The following NIPA2 variants were observed in gnomAD, a reference collection of about 807,000 sequenced individuals.
The protein encoded by NIPA2 is magnesium transporter NIPA2.
Under a neutral mutation model 29.7 loss-of-function variants are expected in NIPA2, and 11 were observed. The ratio of observed to expected loss-of-function variants is 0.37; its 90% CI spans 0.23 to 0.61. The LOEUF (loss-of-function observed/expected upper bound fraction) is 0.61, where lower values mean the gene tolerates loss of function less well. Ranked by LOEUF, NIPA2 falls within the 20% of genes least tolerant of loss-of-function variation. The pLI, the probability that NIPA2 is intolerant of heterozygous loss-of-function variation, is 0.66. For synonymous variants in NIPA2, 183 were observed against 161.9 expected, an observed-to-expected ratio of 1.13 and a Z score of -0.99; for missense variants, 426 against 437.9, an observed-to-expected ratio of 0.97 and a Z score of 0.24.
chr15:22,849,765 G>A (rs893644661), intron 3 of NIPA2, among the ~76,000 whole-genome samples: 5 of 151,796 alleles, frequency 3.3e-5, no homozygotes, highest in Admixed American at 1.3e-4. Flanking sequence ...GGGTTTCACC[G>A]TGTTAGCCAG....
In NIPA2 at chr15:22,868,022, T is replaced by C. The variant is rs1030164462; in HGVS notation, c.*1175T>C. 1.3e-5 allele frequency: 2 copies of C among 152,198 alleles called. No individual in the cohort carries two copies. The highest frequency in any genetic ancestry group is 2.1e-4 in the South Asian group (1 of 4,820). 9.4% of individuals were successfully genotyped at this position (152,198 alleles called of 1,614,324 possible). On this transcript the variant is annotated 3_prime_UTR_variant, in exon 8 of 8. Transcript: ENST00000337451. ...TTCCACCTAGGTGATGGGAAGAAAG[T>C]GTTCGCCTGTTCCAGCCTGTGGCTC...
chr15:22,840,340 C>T (rs1364667373), intron 2 of NIPA2, among the ~76,000 whole-genome samples: 1 of 145,862 alleles, frequency 6.9e-6, no homozygotes, highest in Non-Finnish European at 1.5e-5. Context: ...CTCTGTCACT[C>T]GGGCTGGAGT....
At chr15:22,850,709 C>T (rs2057669638) in intron 3 of NIPA2, among the ~76,000 whole-genome samples, 1 of 152,090 alleles carries the variant, frequency 6.6e-6, no homozygotes, top group African/African-American at 2.4e-5. Flanking sequence ...GCTAGGTGGA[C>T]AGGGAGTTTA....
intron 2 of NIPA2, among the ~76,000 whole-genome samples, chr15:22,840,739 G>A (rs977555982): frequency 1.1e-4 from 17 of 152,252 alleles, no homozygotes; most frequent in African/African-American, 3.9e-4. Flanking sequence ...ATCTTATTGC[G>A]TAGAAGAGAA....
At chr15:22,856,636 C>T (rs1277623022) in intron 5 of NIPA2, among the ~76,000 whole-genome samples, 1 of 152,170 alleles carries the variant, frequency 6.6e-6, no homozygotes, top group Admixed American at 6.5e-5. Flanking sequence ...AGATTTACAT[C>T]TGAAATATAT....
At chr15:22,852,739 G>A (rs888374792) in intron 4 of NIPA2, among the ~76,000 whole-genome samples, 8 of 152,132 alleles carry the variant, frequency 5.3e-5, no homozygotes, top group East Asian at 1.9e-4. Context: ...GGTAGCTCCC[G>A]GTGTTAAGTG....
chr15:22,856,056 C>T (rs2058155020), intron 5 of NIPA2, among the ~76,000 whole-genome samples: 1 of 152,116 alleles, frequency 6.6e-6, no homozygotes, highest in South Asian at 2.1e-4. Context: ...TTGGATTGCT[C>T]ACTTTGAGAG....
rs933640584 is a variant in NIPA2 at position 22,858,637 on chromosome 15, A to G, written c.287+7A>G. ...CTCTCAGCGTGCTAGTAAGGTAAGG[A>G]CACGTTTTTCATGTAGAAACAGTAG... is the stretch of plus-strand genomic sequence containing the variant. On this transcript the variant is annotated splice_region_variant and intron_variant, in intron 6 of 7. Transcript: ENST00000337451. 1 of 1,550,910 alleles carries G rather than the reference A, an allele frequency of 6.4e-7. No individual in the cohort carries two copies. Among genetic ancestry groups the G allele is most frequent in the Non-Finnish European group, 8.8e-7 (1 of 1,140,040 alleles).
Position 22,853,284 on chromosome 15 carries a change from A to G in NIPA2, c.196+16A>G. 4 of 1,561,308 alleles carry G rather than the reference A, an allele frequency of 2.6e-6. No individual in the cohort carries two copies. Among genetic ancestry groups the G allele is most frequent in the Non-Finnish European group, 3.5e-6 (4 of 1,135,416 alleles). ...CTGCTGTCAAGTATGTATAAAGAAC[A>G]TTGCAAGAAAAATATGATAGCTATA... On this transcript the variant is annotated intron_variant, in intron 5 of 7. Coordinates refer to ENST00000337451, the MANE Select transcript of NIPA2 (RefSeq NM_030922.7).
chr15:22,850,298 G>A (rs1017270286), intron 3 of NIPA2, among the ~76,000 whole-genome samples: 1 of 151,970 alleles, frequency 6.6e-6, no homozygotes, highest in African/African-American at 2.4e-5. Flanking sequence ...GGCAGGGTGC[G>A]AAGGGGCAAG....
rs767342561 is a variant in NIPA2 at position 22,866,293 on chromosome 15, A to T, written c.529A>T (p.Asn177Tyr). Residue 177 changes from asparagine to tyrosine, a missense_variant, in exon 8 of 8, where the codon AAC (asparagine) becomes TAC (tyrosine). By Grantham distance (143) the Asn-to-Tyr change is moderately radical (BLOSUM62 -2). Around this residue, in one of 3 missense-constraint regions of NIPA2, gnomAD observed 357 missense variants for 339.8 expected, o/e 1.05. Coordinates refer to ENST00000337451, the MANE Select transcript of NIPA2 (RefSeq NM_030922.7). The part of the protein sequence containing the change: ...FVVGPRHGQT[N>Y]ILVYITICSV... ...GGTGGGTCCTCGCCATGGACAGACA[A>T]ACATTCTTGTGTACATAACAATCTG... 3 of 1,613,820 alleles carry T rather than the reference A, an allele frequency of 1.9e-6. No individual in the cohort carries two copies. The African/African-American group carries it at 4.0e-5, about 22-fold the overall frequency.
chr15:22,846,518 A>T (rs1898679683), intron 3 of NIPA2, among the ~76,000 whole-genome samples: 1 of 152,194 alleles, frequency 6.6e-6, no homozygotes, highest in Non-Finnish European at 1.5e-5. Flanking sequence ...GGTTCATGAT[A>T]CAAGTAAAAT....
intron 2 of NIPA2, among the ~76,000 whole-genome samples, chr15:22,841,803 G>A (rs918732260): frequency 2.6e-5 from 4 of 152,126 alleles, no homozygotes; most frequent in Non-Finnish European, 5.9e-5. Flanking sequence ...CACCGCGCCC[G>A]GCCGGACACT....
At chr15:22,843,657 C>CT (rs75439328) in intron 2 of NIPA2, among the ~76,000 whole-genome samples, 82 of 146,512 alleles carry the variant, frequency 5.6e-4, no homozygotes, top group Middle Eastern at 3.5e-3. Flanking sequence ...CAATTTTTTC[C>CT]TTTTTTTTTT....
At position 22,867,202 on chromosome 15, in the gene NIPA2, T is replaced by A; in HGVS notation, c.*355T>A. The A allele has an allele frequency of 2.4e-6, 1 of 423,282 alleles. No individual in the cohort carries two copies. 26.2% of individuals were successfully genotyped at this position (423,282 alleles called of 1,614,324 possible). A position where few individuals can be genotyped will look rare whatever the true frequency, so the allele number is the denominator to read the frequency against. On this transcript the variant is annotated 3_prime_UTR_variant, in exon 8 of 8. Transcript: ENST00000337451. Reference sequence around the variant, plus strand: ...TGAAATGTGCATTTGTCATCCCCACTCCATCAATCCCTGACCATGTAAGGC... The same window carrying A: ...TGAAATGTGCATTTGTCATCCCCACACCATCAATCCCTGACCATGTAAGGC...
chr15:22,840,303 T>TG (rs1566808287), intron 2 of NIPA2, among the ~76,000 whole-genome samples: 1 of 97,018 alleles, frequency 1.0e-5, no homozygotes, highest in African/African-American at 3.9e-5. Context: ...TTTTTTTTTG[T>TG]TTTTTTTTTT....
intron 5 of NIPA2, among the ~76,000 whole-genome samples, chr15:22,858,058 C>T (rs1216522955): frequency 1.3e-5 from 2 of 152,062 alleles, no homozygotes; most frequent in Non-Finnish European, 2.9e-5. Context: ...TTGACTTGGA[C>T]TCTTACTGTA....
chr15:22,864,497 G>C (rs908731769), intron 7 of NIPA2, among the ~76,000 whole-genome samples: 2 of 152,200 alleles, frequency 1.3e-5, no homozygotes, highest in South Asian at 4.1e-4. Context: ...CAGATCCCCA[G>C]CAAAAAAAGC....
intron 2 of NIPA2, among the ~76,000 whole-genome samples, chr15:22,843,948 C>T (rs899339447): frequency 5.9e-5 from 9 of 152,266 alleles, no homozygotes; most frequent in South Asian, 4.1e-4. Flanking sequence ...TCTCCCACCT[C>T]GGCCTCCCAA....
Sources: gnomAD v4.1 joint callset for allele counts (sites outside exome capture counted in the v4.1 genomes callset) on GRCh38, gnomAD v4.1.1 for gene constraint, gnomAD v4.1.1 regional missense constraint, MANE v1.5 for transcripts, NCBI Gene and HGNC (gene_info 2026-07-23, HGNC 2026-07-21) for gene names.